The following CARM1 variants were observed in gnomAD, a reference collection of about 807,000 sequenced individuals.
CARM1 encodes the protein histone-arginine methyltransferase CARM1.
In CARM1, 14 loss-of-function variants were observed where a neutral mutation model predicts 72.7. That is an observed-to-expected ratio of 0.19 (90% CI 0.13 to 0.30). The LOEUF (loss-of-function observed/expected upper bound fraction) is 0.30, where lower values mean the gene tolerates loss of function less well. Among genes scored for constraint, CARM1 ranks in the 10% least tolerant of loss-of-function variants. The pLI is 1.00. For missense variants in CARM1, 432 were observed against 833.7 expected, an observed-to-expected ratio of 0.52 and a Z score of 5.93; for synonymous variants, 333 against 345.5, an observed-to-expected ratio of 0.96 and a Z score of 0.40.
At chr19:10,905,197 T>C in intron 2 of CARM1, 121 bp downstream of exon 2, 1 of 1,204,114 alleles carries the variant, frequency 8.3e-7, no homozygotes, top group Non-Finnish European at 1.2e-6. Flanking sequence ...TCCACTGCCC[T>C]CAAAACCACA....
At chr19:10,887,787 C>T (rs2073952454) in intron 1 of CARM1, among the ~76,000 whole-genome samples, 1 of 152,118 alleles carries the variant, frequency 6.6e-6, no homozygotes, top group South Asian at 2.1e-4. Flanking sequence ...TTCAAGTGGG[C>T]CTCAGCCCCA....
At chr19:10,890,466 C>T (rs1225985349) in intron 1 of CARM1, among the ~76,000 whole-genome samples, 1 of 151,188 alleles carries the variant, frequency 6.6e-6, no homozygotes, top group African/African-American at 2.4e-5. Flanking sequence ...TGGGGTTTTA[C>T]CATGTTGGCC....
At chr19:10,888,929 A>G (rs1442465388) in intron 1 of CARM1, among the ~76,000 whole-genome samples, 1 of 152,210 alleles carries the variant, frequency 6.6e-6, no homozygotes, top group Non-Finnish European at 1.5e-5. Flanking sequence ...CCCACAGGTC[A>G]GGACTACAGG....
chr19:10,906,455 T>C (rs555428658), intron 2 of CARM1, among the ~76,000 whole-genome samples: 1 of 152,362 alleles, frequency 6.6e-6, no homozygotes, highest in South Asian at 2.1e-4. Context: ...TCCCGAACTG[T>C]GTCTTTTCAT....
chr19:10,913,770 C>A, intron 5 of CARM1, 107 bp from the exon 6 acceptor site: 2 of 1,173,460 alleles, frequency 1.7e-6, no homozygotes, highest in Non-Finnish European at 2.4e-6. Flanking sequence ...GGCAGAGGGG[C>A]ACCCAATGCC....
At position 10,912,291 on chromosome 19, in the gene CARM1, T is replaced by A; in HGVS notation, c.666T>A (p.Ala222=). 1.9e-6 allele frequency: 3 copies of A among 1,608,678 alleles called. No homozygotes were observed. Among genetic ancestry groups the A allele is most frequent in the Non-Finnish European group, 2.6e-6 (3 of 1,175,962 alleles). ...AGGCCAGCACCATGGCCCAGCACGCTGAGGTCAGTGGCCCGCTGGTGCCCA... is the reference window on the plus strand; with the variant it reads ...AGGCCAGCACCATGGCCCAGCACGCAGAGGTCAGTGGCCCGCTGGTGCCCA... ...AVEASTMAQH[A]EVLVKSNNLT... is the part of the protein sequence containing the mutation. Residue 222 remains alanine, a synonymous_variant, in exon 5 of 16, where the codon GCT becomes GCA. Coordinates refer to ENST00000327064, the MANE Select transcript of CARM1 (RefSeq NM_199141.2). This position sits in a 1 kb window ranked among gnomAD's most constrained non-coding sequence, Gnocchi z 4.5.
chr19:10,872,607 C>T (rs2073828325), intron 1 of CARM1, among the ~76,000 whole-genome samples: 2 of 152,106 alleles, frequency 1.3e-5, no homozygotes, highest in Admixed American at 6.6e-5. Context: ...GAGCTAACAG[C>T]CTCCTCCCAT....
rs201894360 is a variant in CARM1 at position 10,912,518 on chromosome 19, CTT to C, written c.669+237_669+238del. Among the ~76,000 whole-genome samples the C allele has an allele frequency of 3.4e-4, 48 of 141,564 alleles. No homozygotes were observed. The highest frequency in any genetic ancestry group is 4.9e-4 in the Admixed American group (7 of 14,158). The allele number at this position is 141,564 out of a possible 152,430, so 92.9% of individuals were successfully genotyped here. On this transcript the variant is annotated intron_variant, in intron 5 of 15. Transcript: ENST00000327064. The surrounding 1 kb of genome is among the most constrained non-coding windows in gnomAD (Gnocchi z 4.5). ...GGGCCACATGTCATTTCCCTGTTTT[CTT>C]TTTTTTTTTTTTGCACTGAAACCTT...
At chr19:10,921,339 G>T (rs372681788) in intron 14 of CARM1, 36 bp from the exon 15 acceptor site, 3 of 1,608,516 alleles carry the variant, frequency 1.9e-6, no homozygotes, top group East Asian at 4.5e-5. Flanking sequence ...CGGTGACGCC[G>T]TCTCCCTTCC....
At position 10,920,994 on chromosome 19, in the gene CARM1, C is replaced by T. The variant is rs564688562; in HGVS notation, c.1537+48C>T. 168 of 1,612,032 alleles carry T rather than the reference C, an allele frequency of 1.0e-4. No individual in the cohort carries two copies. The highest frequency in any genetic ancestry group is 2.7e-4 in the Admixed American group (16 of 60,014). ...CCCAGCCAACCCGGGAGGCCGCCCTCGCCGCAGGCCTGGCCCCTCTGCCTC... is the reference window on the plus strand; with the variant it reads ...CCCAGCCAACCCGGGAGGCCGCCCTTGCCGCAGGCCTGGCCCCTCTGCCTC... On this transcript the variant is annotated intron_variant, in intron 13 of 15. Coordinates refer to ENST00000327064, the MANE Select transcript of CARM1 (RefSeq NM_199141.2). This position sits in a 1 kb window ranked among gnomAD's most constrained non-coding sequence, Gnocchi z 5.3.
In CARM1 at chr19:10,875,573, C is replaced by T. The variant is rs531360616; in HGVS notation, c.220+3651C>T. On this transcript the variant is annotated intron_variant, in intron 1 of 15. Coordinates refer to ENST00000327064, the MANE Select transcript of CARM1 (RefSeq NM_199141.2). ...CCGGGTAGCTGGGACTACAGGCGCCCGCCACCACGCCCGGCTAATTCTTTG... is the reference window on the plus strand; with the variant it reads ...CCGGGTAGCTGGGACTACAGGCGCCTGCCACCACGCCCGGCTAATTCTTTG... 5.7e-3 allele frequency among the ~76,000 whole-genome samples: 870 copies of T among 151,960 alleles called. 3 individuals carry two copies. Among genetic ancestry groups the T allele is most frequent in the Middle Eastern group, 0.017 (5 of 294 alleles).
At chr19:10,911,433 G>A (rs1168728677) in intron 4 of CARM1, among the ~76,000 whole-genome samples, 5 of 152,170 alleles carry the variant, frequency 3.3e-5, no homozygotes, top group Admixed American at 6.6e-5. Context: ...TGGGAAGGAC[G>A]TCCTCCGTTG....
At chr19:10,901,238 C>T (rs886338879) in intron 1 of CARM1, among the ~76,000 whole-genome samples, 1 of 152,132 alleles carries the variant, frequency 6.6e-6, no homozygotes, top group Non-Finnish European at 1.5e-5. Flanking sequence ...CTGCCTCGGC[C>T]TCCCAAAGTG....
chr19:10,909,262 C>A, intron 4 of CARM1, 55 bp downstream of exon 4: 1 of 1,073,486 alleles, frequency 9.3e-7, no homozygotes, highest in Non-Finnish European at 1.4e-6. Flanking sequence ...TTTTTTTTTT[C>A]TTTGCTCATT....
chr19:10,913,027 A>T (rs1256614005), intron 5 of CARM1, among the ~76,000 whole-genome samples: 1 of 151,858 alleles, frequency 6.6e-6, no homozygotes, highest in Admixed American at 6.6e-5. Context: ...CTTTGCAGCC[A>T]CCAGCAGTTG....
Position 10,921,356 on chromosome 19 carries a change from C to T in CARM1, c.1616-19C>T, listed in dbSNP as rs1430652406. On this transcript the variant is annotated intron_variant, in intron 14 of 15. Coordinates refer to ENST00000327064, the MANE Select transcript of CARM1 (RefSeq NM_199141.2). The stretch of plus-strand genomic sequence containing the variant: ...GTGACGCCGTCTCCCTTCCTTCTTT[C>T]CTCCCTCTCGCTGCGCAGCCAACAC... The T allele has an allele frequency of 1.9e-6, 3 of 1,609,870 alleles. No individual in the cohort carries two copies. Among genetic ancestry groups the T allele is most frequent in the Non-Finnish European group, 2.5e-6 (3 of 1,178,766 alleles).
chr19:10,908,277 T>A, intron 3 of CARM1, 132 bp downstream of exon 3: 1 of 624,718 alleles, frequency 1.6e-6, no homozygotes, highest in African/African-American at 1.8e-5. Context: ...ACTGGCCATG[T>A]AGCCTTGGGC....
Position 10,921,607 on chromosome 19 carries a change from C to T in CARM1, c.1685-8C>T. 6.2e-7 allele frequency: 1 copy of T among 1,606,460 alleles called. No individual in the cohort carries two copies. The highest frequency in any genetic ancestry group is 1.1e-5 in the South Asian group (1 of 90,500). On this transcript the variant is annotated splice_region_variant and splice_polypyrimidine_tract_variant and intron_variant, in intron 15 of 15. Transcript: ENST00000327064. The stretch of plus-strand genomic sequence containing the variant: ...GGCAGCCCCTCACTGCCATTGCCTG[C>T]TCCACAGGGTCCTCCGGCGCCCAGG...
chr19:10,911,734 G>A (rs1025683989), intron 4 of CARM1, among the ~76,000 whole-genome samples: 2 of 152,222 alleles, frequency 1.3e-5, no homozygotes, highest in East Asian at 3.9e-4. Context: ...CCTGCGGGGA[G>A]CCCAGCCGGC....
Sources: allele counts gnomAD v4.1 joint callset (sites outside exome capture counted in the v4.1 genomes callset), GRCh38; gene constraint gnomAD v4.1.1; non-coding constraint Gnocchi (gnomAD v3.1); transcripts MANE v1.5; gene names NCBI Gene and HGNC (gene_info 2026-07-23, HGNC 2026-07-21).